Variants in UAP1 observed in about 807,000 individuals in gnomAD.
UAP1 encodes the protein UDP-N-acetylhexosamine pyrophosphorylase.
Under a neutral mutation model 58.5 loss-of-function variants are expected in UAP1, and 25 were observed. The observed-to-expected ratio is 0.43, with a 90% confidence interval of 0.31 to 0.60. The LOEUF is 0.60. Ranked by LOEUF, UAP1 falls within the 20% of genes least tolerant of loss-of-function variation. UAP1 has a pLI of 0.11. For missense variants in UAP1, 575 were observed against 630.0 expected, an observed-to-expected ratio of 0.91 and a Z score of 0.93; for synonymous variants, 208 against 213.0, an observed-to-expected ratio of 0.98 and a Z score of 0.21.
At position 162,566,358 on chromosome 1, in the gene UAP1, A is replaced by G. The variant is rs370153973; in HGVS notation, c.280+10A>G. On this transcript the variant is annotated intron_variant, in intron 2 of 10. Coordinates refer to ENST00000271469, the Ensembl canonical transcript of UAP1. ...GCCTGGGAAAGTGAAGGTACTGGGC[A>G]TGTACATATTTCTTACTGAAGTTTA... 6.9e-6 allele frequency: 11 copies of G among 1,602,118 alleles called. No homozygotes were observed. The highest frequency in any genetic ancestry group is 6.7e-5 in the African/African-American group (5 of 74,260).
In UAP1 at chr1:162,576,821, G is replaced by T; in HGVS notation, c.325G>T (p.Ala109Ser). ...GAATAAAGTAGCAGTTCTTCTTCTA[G>T]CTGGTGGGCAGGGGACAAGACTCGG... The change falls in exon 3 of 11, where the codon GCT (alanine) becomes TCT (serine). Residue 109 changes from alanine to serine, a missense_variant. By Grantham distance (99) the Ala-to-Ser change is moderately conservative. Coordinates refer to ENST00000271469, the Ensembl canonical transcript of UAP1. 6.2e-7 allele frequency: 1 copy of T among 1,614,144 alleles called. No homozygotes were observed. The highest frequency in any genetic ancestry group is 1.1e-5 in the South Asian group (1 of 91,076).
chr1:162,577,435 C>CTTTTTTTTTTTTTTTTTTTTTTT (rs67627704), intron 3 of UAP1, among the ~76,000 whole-genome samples: 1 of 95,240 alleles, frequency 1.0e-5, no homozygotes, highest in African/African-American at 4.8e-5. Context: ...AGTTCCTTCC[C>CTTTTTTTTTTTTTTTTTTTTTTT]TTTTTTTTTT....
intron 3 of UAP1, among the ~76,000 whole-genome samples, chr1:162,577,435 CTTTTTTTTTTTT>C (rs67627704): frequency 3.1e-4 from 30 of 95,240 alleles, no homozygotes; most frequent in Admixed American, 4.7e-4. Flanking sequence ...AGTTCCTTCC[CTTTTTTTTTTTT>C]TTTTTTTTTT....
At chr1:162,584,349 G>T (rs16863635) in intron 5 of UAP1, among the ~76,000 whole-genome samples, 32,879 of 152,148 alleles carry the variant, frequency 0.22, 3,807 homozygotes, top group Middle Eastern at 0.31. Flanking sequence ...AATGTTAGAA[G>T]CCGTTTACAT....
At position 162,577,647 on chromosome 1, in the gene UAP1, T is replaced by G. The variant is rs574993351; in HGVS notation, c.485+666T>G. On this transcript the variant is annotated intron_variant, in intron 3 of 10. Transcript: ENST00000271469. ...TTTCTTTTTGAGAGGGAGTCTTACTTTGTCCCCAGGCTGGAGTGCAGTGGC... is the reference window on the plus strand; with the variant it reads ...TTTCTTTTTGAGAGGGAGTCTTACTGTGTCCCCAGGCTGGAGTGCAGTGGC... Among the ~76,000 whole-genome samples the G allele has an allele frequency of 1.5e-3, 231 of 151,036 alleles. 2 individuals carry two copies. Among genetic ancestry groups the G allele is most frequent in the South Asian group, 5.9e-3 (28 of 4,754 alleles).
intron 5 of UAP1, among the ~76,000 whole-genome samples, chr1:162,582,286 AC>A (rs1339088276): frequency 6.6e-6 from 1 of 152,160 alleles, no homozygotes; most frequent in Non-Finnish European, 1.5e-5. Context: ...TTTAGAATAA[AC>A]ATGTAAAGGT....
chr1:162,587,917 C>T (rs1655003079), intron 6 of UAP1: 2 of 379,754 alleles, frequency 5.3e-6, no homozygotes, highest in South Asian at 1.4e-4. Flanking sequence ...TTCTCACCCT[C>T]CCACCCCCAA....
chr1:162,598,216 AT>A (rs1020190046), intron 10 of UAP1, among the ~76,000 whole-genome samples: 2 of 146,796 alleles, frequency 1.4e-5, no homozygotes, highest in African/African-American at 2.4e-5. Flanking sequence ...GAAAAAAAAA[AT>A]TACAAAAAAA....
chr1:162,563,795 TCAGA>T (rs1401333002), intron 1 of UAP1, among the ~76,000 whole-genome samples: 3 of 152,224 alleles, frequency 2.0e-5, no homozygotes, highest in African/African-American at 7.2e-5. Flanking sequence ...ATGCCTTTTA[TCAGA>T]CAGAGCACTC....
At chr1:162,597,599 C>T (rs1045878105) in intron 9 of UAP1, 193 bp from the exon 10 acceptor site, 3 of 516,984 alleles carry the variant, frequency 5.8e-6, no homozygotes, top group South Asian at 6.2e-5. Context: ...CAAATAGTGT[C>T]CTTCTGACCT....
At chr1:162,576,741 G>T (rs200691446) in intron 2 of UAP1, 36 bp from the exon 3 acceptor site, 55 of 1,581,734 alleles carry the variant, frequency 3.5e-5, no homozygotes, top group Non-Finnish European at 4.3e-5. Context: ...GTGTTGAATT[G>T]TAGAGGTTTT....
chr1:162,587,016 A>T (rs949805903), intron 5 of UAP1, among the ~76,000 whole-genome samples: 2 of 152,184 alleles, frequency 1.3e-5, no homozygotes, highest in Middle Eastern at 3.2e-3. Context: ...TTCAAATGAA[A>T]TATCGGGCAA....
At chr1:162,598,006 C>T (rs776766778) in intron 10 of UAP1, 148 bp downstream of exon 10, 45 of 659,986 alleles carry the variant, frequency 6.8e-5, no homozygotes, top group Non-Finnish European at 9.2e-5. Context: ...TTTGATTATT[C>T]GACAGTGTAT....
At chr1:162,570,434 A>G (rs966111189) in intron 2 of UAP1, among the ~76,000 whole-genome samples, 2 of 152,118 alleles carry the variant, frequency 1.3e-5, no homozygotes, top group Non-Finnish European at 2.9e-5. Flanking sequence ...AAAAATTATG[A>G]AAGTTTTGCT....
chr1:162,567,643 A>G (rs1349775282), intron 2 of UAP1, among the ~76,000 whole-genome samples: 2 of 152,222 alleles, frequency 1.3e-5, no homozygotes, highest in African/African-American at 2.4e-5. Context: ...TCAACTGTGA[A>G]TGAGAACTTG....
At chr1:162,581,574 C>T (rs772799431) in intron 5 of UAP1, 115 bp downstream of exon 5, 232 of 1,137,652 alleles carry the variant, frequency 2.0e-4, no homozygotes, top group Admixed American at 5.7e-4. Flanking sequence ...AACCATTTAT[C>T]TCTCTAAAGT....
At position 162,566,017 on chromosome 1, in the gene UAP1, C is replaced by T. The variant is rs939401575; in HGVS notation, c.-52C>T. 5.2e-6 allele frequency: 8 copies of T among 1,534,674 alleles called. No individual in the cohort carries two copies. In the South Asian group the frequency reaches 7.6e-5, roughly 15 times the overall value. On this transcript the variant is annotated 5_prime_UTR_variant, in exon 2 of 11. Transcript: ENST00000271469. Reference sequence around the variant, plus strand: ...TAATTACTTTTCTCTTTTAGGTTTACAGGTACATACATTACACCCCTATTT... The same window carrying T: ...TAATTACTTTTCTCTTTTAGGTTTATAGGTACATACATTACACCCCTATTT...
chr1:162,587,196 G>A (rs372930094), intron 5 of UAP1, among the ~76,000 whole-genome samples: 4 of 152,274 alleles, frequency 2.6e-5, no homozygotes, highest in African/African-American at 9.6e-5. Flanking sequence ...CCACTCCAAT[G>A]TGATTTACTC....
At chr1:162,568,996 G>A (rs1037449263) in intron 2 of UAP1, among the ~76,000 whole-genome samples, 1 of 152,092 alleles carries the variant, frequency 6.6e-6, no homozygotes, top group African/African-American at 2.4e-5. Flanking sequence ...AGCATAACAC[G>A]GTGCAAACTT....
Sources: allele counts gnomAD v4.1 joint callset (sites outside exome capture counted in the v4.1 genomes callset), GRCh38; gene constraint gnomAD v4.1.1; transcripts MANE v1.5; gene names NCBI Gene and HGNC (gene_info 2026-07-23, HGNC 2026-07-21).